SP100: variants seen among roughly 807,000 people sequenced by gnomAD.
The protein encoded by SP100 is nuclear autoantigen Sp-100.
In SP100, 84 loss-of-function variants were observed where a neutral mutation model predicts 130.0. That is an observed-to-expected ratio of 0.65 (90% CI 0.54 to 0.77). The LOEUF is 0.77. SP100 is among the 30% of genes least tolerant of loss of function. SP100 has a pLI of 0.00. For synonymous variants in SP100, 331 were observed against 351.7 expected (o/e 0.94, Z 0.66); for missense variants, 978 against 1,052.2 (o/e 0.93, Z 0.97).
intron 19 of SP100, among the ~76,000 whole-genome samples, chr2:230,499,667 C>G (rs987092950): frequency 1.3e-5 from 2 of 150,794 alleles, no homozygotes; most frequent in Admixed American, 1.3e-4. Flanking sequence ...ACAAGGTCTG[C>G]ACCAGACCAT....
rs548434268 is a variant in SP100 at position 230,544,568 on chromosome 2, A to G, written c.*1622A>G. On this transcript the variant is annotated 3_prime_UTR_variant, in exon 29 of 29. Transcript: ENST00000340126. Reference sequence around the variant, plus strand: ...AATGGCGTGATCTTGGCTCACCACAACCTCTGCCTCCCGGGTTCAAGCAAT... The same window carrying G: ...AATGGCGTGATCTTGGCTCACCACAGCCTCTGCCTCCCGGGTTCAAGCAAT... Among the ~76,000 whole-genome samples, 1 of 152,048 alleles carries G rather than the reference A, an allele frequency of 6.6e-6. No individual in the cohort carries two copies. The highest frequency in any genetic ancestry group is 2.4e-5 in the African/African-American group (1 of 41,494).
chr2:230,482,295 G>A (rs967367130), intron 17 of SP100, among the ~76,000 whole-genome samples: 5 of 151,894 alleles, frequency 3.3e-5, no homozygotes, highest in East Asian at 3.9e-4. Flanking sequence ...AAATACTCTC[G>A]CTTCCATTCC....
chr2:230,426,127 G>A (rs929287948), intron 2 of SP100, among the ~76,000 whole-genome samples: 7 of 152,050 alleles, frequency 4.6e-5, no homozygotes, highest in Admixed American at 4.6e-4. Flanking sequence ...ATTTATTTGA[G>A]ACTTGTCTCT....
intron 5 of SP100, 82 bp from the exon 6 acceptor site, chr2:230,449,006 C>A: frequency 1.1e-6 from 1 of 897,068 alleles, no homozygotes; most frequent in Non-Finnish European, 1.9e-6. Flanking sequence ...TCCTACGTTA[C>A]AGAGACCAAA....
At chr2:230,528,522 A>C (rs921905775) in intron 24 of SP100, among the ~76,000 whole-genome samples, 1 of 145,096 alleles carries the variant, frequency 6.9e-6, no homozygotes, top group African/African-American at 2.7e-5. Flanking sequence ...AAAGAACTAG[A>C]GAAGCAAGAG....
At chr2:230,498,350 T>TG in intron 18 of SP100, 111 bp from the exon 19 acceptor site, 1 of 494,706 alleles carries the variant, frequency 2.0e-6, no homozygotes, top group South Asian at 4.5e-5. Flanking sequence ...ATATTTTTCT[T>TG]TGTGTGTTAG....
intron 27 of SP100, among the ~76,000 whole-genome samples, 187 bp downstream of exon 27, chr2:230,541,559 A>T (rs1002136953): frequency 6.6e-6 from 1 of 152,198 alleles, no homozygotes; most frequent in Admixed American, 6.5e-5. Context: ...CGGAGGCTGC[A>T]TGTCCAAGAT....
intron 2 of SP100, among the ~76,000 whole-genome samples, chr2:230,420,723 A>T (rs1469160401): frequency 6.6e-6 from 1 of 150,440 alleles, no homozygotes; most frequent in Non-Finnish European, 1.5e-5. Flanking sequence ...TATTAATTTC[A>T]CCAAAGTAAA....
At chr2:230,466,394 C>T in intron 12 of SP100, 40 bp downstream of exon 12, 4 of 1,044,914 alleles carry the variant, frequency 3.8e-6, no homozygotes, top group Non-Finnish European at 6.0e-6. Context: ...GAGAAAATAA[C>T]TTCTCTTCAT....
intron 24 of SP100, among the ~76,000 whole-genome samples, chr2:230,534,058 C>T (rs1333239325): frequency 6.6e-6 from 1 of 152,112 alleles, no homozygotes; most frequent in Admixed American, 6.6e-5. Context: ...TTTAGGTGGC[C>T]TCATGCTGTC....
At chr2:230,463,964 G>A (rs187302028) in intron 10 of SP100, 103 bp from the exon 11 acceptor site, 13 of 754,492 alleles carry the variant, frequency 1.7e-5, no homozygotes, top group East Asian at 5.4e-5. Flanking sequence ...GGACTTGCAC[G>A]GATTTTCAAG....
intron 24 of SP100, among the ~76,000 whole-genome samples, chr2:230,523,642 C>A (rs961828702): frequency 3.3e-5 from 5 of 152,216 alleles, no homozygotes; most frequent in Admixed American, 1.3e-4. Context: ...GATGTGGTTG[C>A]TCACACCTGT....
At chr2:230,469,020 T>G (rs1308171129) in intron 13 of SP100, 23 bp from the exon 14 acceptor site, 3 of 1,478,630 alleles carry the variant, frequency 2.0e-6, no homozygotes, top group African/African-American at 2.8e-5. Flanking sequence ...ATATTATTGA[T>G]TTGGTTTTCC....
intron 17 of SP100, among the ~76,000 whole-genome samples, chr2:230,480,275 GAATA>G (rs2065770417): frequency 6.6e-6 from 1 of 152,112 alleles, no homozygotes; most frequent in African/African-American, 2.4e-5. Flanking sequence ...TAATTTGCAT[GAATA>G]AATTAATTCT....
Position 230,473,418 on chromosome 2 carries a change from T to C in SP100, c.1524T>C (p.Ser508=). ...GAAGCCAAGAAGCAAGGACTGAAAGTAGTCAAGCATCTGACATGATGGGTA... is the reference window on the plus strand; with the variant it reads ...GAAGCCAAGAAGCAAGGACTGAAAGCAGTCAAGCATCTGACATGATGGGTA... ...VPRSQEARTE[S]SQASDMMDTM... The change falls in exon 16 of 29, where the codon AGT becomes AGC. Residue 508 remains serine, a synonymous_variant. Transcript: ENST00000340126. 1 of 1,612,578 alleles carries C rather than the reference T, an allele frequency of 6.2e-7. No individual in the cohort carries two copies. Among genetic ancestry groups the C allele is most frequent in the Non-Finnish European group, 8.5e-7 (1 of 1,178,634 alleles).
intron 17 of SP100, among the ~76,000 whole-genome samples, chr2:230,486,523 G>A (rs567381079): frequency 6.6e-6 from 1 of 152,282 alleles, no homozygotes; most frequent in East Asian, 1.9e-4. Context: ...TTTTATGGCT[G>A]CATAGTAGTC....
chr2:230,465,128 C>T (rs752738178), intron 11 of SP100, among the ~76,000 whole-genome samples: 9 of 152,022 alleles, frequency 5.9e-5, no homozygotes, highest in African/African-American at 7.2e-5. Context: ...CCCAGCCACT[C>T]GGGAGGCTGA....
chr2:230,457,903 C>A (rs1360319157), intron 8 of SP100, among the ~76,000 whole-genome samples: 1 of 152,192 alleles, frequency 6.6e-6, no homozygotes, highest in Non-Finnish European at 1.5e-5. Flanking sequence ...CTCATACTAA[C>A]TGCCTACACT....
At chr2:230,539,451 G>A in intron 25 of SP100, 69 bp downstream of exon 25, 1 of 1,042,388 alleles carries the variant, frequency 9.6e-7, no homozygotes, top group Non-Finnish European at 1.5e-6. Context: ...CCACTCATGA[G>A]TACTCTGCAG....
Sources: allele counts gnomAD v4.1 joint callset (sites outside exome capture counted in the v4.1 genomes callset), GRCh38; gene constraint gnomAD v4.1.1; transcripts MANE v1.5; gene names NCBI Gene and HGNC (gene_info 2026-07-23, HGNC 2026-07-21).